DIPK1A: variants seen among roughly 807,000 people sequenced by gnomAD.
DIPK1A encodes the protein divergent protein kinase domain 1A, also known as family with sequence similarity 69 member A.
In DIPK1A, 27 loss-of-function variants were observed where a neutral mutation model predicts 40.8. The ratio of observed to expected loss-of-function variants is 0.66; its 90% CI spans 0.49 to 0.91. The LOEUF is 0.91. DIPK1A is among the 40% of genes least tolerant of loss of function. The pLI is 0.00. For synonymous variants in DIPK1A, 166 were observed against 171.3 expected (o/e 0.97, Z 0.24); for missense variants, 412 against 505.7 (o/e 0.81, Z 1.78).
intron 3 of DIPK1A, among the ~76,000 whole-genome samples, chr1:92,847,876 T>C (rs970346114): frequency 6.6e-6 from 1 of 152,146 alleles, no homozygotes; most frequent in Non-Finnish European, 1.5e-5. Flanking sequence ...GCCAGGACTA[T>C]AGGCATGTAC....
At chr1:92,935,375 T>A (rs1650906925) in intron 1 of DIPK1A, among the ~76,000 whole-genome samples, 1 of 152,254 alleles carries the variant, frequency 6.6e-6, no homozygotes, top group Admixed American at 6.5e-5. Flanking sequence ...TAAAGAACTA[T>A]GTATTTTAAG....
chr1:92,935,190 CCT>C (rs1319976132), intron 1 of DIPK1A, among the ~76,000 whole-genome samples: 2 of 152,186 alleles, frequency 1.3e-5, no homozygotes, highest in Admixed American at 1.3e-4. Flanking sequence ...AATATTTCCA[CCT>C]CTCTATTGAG....
chr1:92,887,169 G>A (rs759841742), intron 1 of DIPK1A, among the ~76,000 whole-genome samples: 17 of 148,540 alleles, frequency 1.1e-4, no homozygotes, highest in Non-Finnish European at 1.9e-4. Context: ...TGTAATTCCA[G>A]CACTTTAGGA....
chr1:92,927,745 T>C lies in DIPK1A; in HGVS notation c.54+33631A>G, dbSNP rs570036123. Among the ~76,000 whole-genome samples, 10 of 152,344 alleles carry C rather than the reference T, an allele frequency of 6.6e-5. No homozygotes were observed. The East Asian group carries it at 1.9e-3, about 29-fold the overall frequency. The stretch of plus-strand genomic sequence containing the variant: ...GTCTTCTGTGACTGGCTTTTTTCAC[T>C]TAACTTTTCAAGATTCATCCATGTT... On this transcript the variant is annotated intron_variant, in intron 1 of 4. Coordinates refer to ENST00000370310, the MANE Select transcript of DIPK1A (RefSeq NM_001006605.5).
At chr1:92,839,350 C>T (rs566995199), downstream of DIPK1A, among the ~76,000 whole-genome samples, 15 of 152,230 alleles carry the variant, frequency 9.9e-5, no homozygotes, top group Non-Finnish European at 1.5e-4. Context: ...CAGAGCGAGA[C>T]TTCATGTCAA....
rs1207050764 is a variant in DIPK1A at position 92,843,128 on chromosome 1, G to A, written c.*255C>T. Reference sequence around the variant, plus strand: ...GCTTTTCACAGCATTGGTTTTTAAAGTCAGTCAAAATAGTTACACAATGAA... The same window carrying A: ...GCTTTTCACAGCATTGGTTTTTAAAATCAGTCAAAATAGTTACACAATGAA... On this transcript the variant is annotated 3_prime_UTR_variant, in exon 5 of 5. Transcript: ENST00000370310. The A allele has an allele frequency of 8.7e-7, 1 of 1,155,688 alleles. No homozygotes were observed. The highest frequency in any genetic ancestry group is 1.6e-5 in the African/African-American group (1 of 62,114). The allele number at this position is 1,155,688 out of a possible 1,614,324, so 71.6% of individuals were successfully genotyped here.
intron 1 of DIPK1A, among the ~76,000 whole-genome samples, chr1:92,914,685 C>T (rs1227834288): frequency 1.3e-5 from 2 of 151,416 alleles, no homozygotes; most frequent in African/African-American, 2.4e-5. Flanking sequence ...AGGAGAAGTG[C>T]TTGAACCTAG....
intron 1 of DIPK1A, among the ~76,000 whole-genome samples, chr1:92,891,771 G>T (rs1241876532): frequency 6.6e-6 from 1 of 152,194 alleles, no homozygotes; most frequent in Admixed American, 6.5e-5. Flanking sequence ...AAGGAAAGGG[G>T]TGACAGATGG....
downstream of DIPK1A, chr1:92,840,591 A>G (rs1687316143): frequency 6.2e-7 from 1 of 1,612,938 alleles, no homozygotes; most frequent in African/African-American, 1.3e-5. Flanking sequence ...GCTATACGAG[A>G]GAATCCAGTC....
intron 1 of DIPK1A, among the ~76,000 whole-genome samples, chr1:92,954,985 C>G (rs892592670): frequency 6.6e-6 from 1 of 151,998 alleles, no homozygotes; most frequent in East Asian, 1.9e-4. Context: ...ACCCAGACAA[C>G]GAAATATTAT....
chr1:92,884,678 G>A (rs543471232), intron 1 of DIPK1A, among the ~76,000 whole-genome samples: 1 of 152,110 alleles, frequency 6.6e-6, no homozygotes, highest in South Asian at 2.1e-4. Context: ...ATCTTTGATG[G>A]GAATCCTAAT....
chr1:92,898,985 C>T lies in DIPK1A; in HGVS notation c.55-22555G>A, dbSNP rs117631020. On this transcript the variant is annotated intron_variant, in intron 1 of 4. Transcript: ENST00000370310. ...GGTCACCCTATGTTGCCCAGGCTAACCTCAAACTCCTGGATTCAAATATCC... is the reference window on the plus strand; with the variant it reads ...GGTCACCCTATGTTGCCCAGGCTAATCTCAAACTCCTGGATTCAAATATCC... Among the ~76,000 whole-genome samples the T allele has an allele frequency of 2.2e-3, 338 of 152,250 alleles. 2 individuals carry two copies. Among genetic ancestry groups the T allele is most frequent in the East Asian group, 0.013 (65 of 5,186 alleles).
chr1:92,836,201 G>A (rs1687118102), intron 4 of DIPK1A: 1 of 1,612,224 alleles, frequency 6.2e-7, no homozygotes, highest in Non-Finnish European at 8.5e-7. Flanking sequence ...TTCTCAATAG[G>A]TTTGGCATGG....
rs767529723 is a variant in DIPK1A at position 92,961,409 on chromosome 1, C to T, written c.21G>A (p.Pro7=). 4 of 1,527,880 alleles carry T rather than the reference C, an allele frequency of 2.6e-6. No homozygotes were observed. Among genetic ancestry groups the T allele is most frequent in the South Asian group, 1.2e-5 (1 of 84,322 alleles). The allele number at this position is 1,527,880 out of a possible 1,614,324, so 94.6% of individuals were successfully genotyped here. A position where few individuals can be genotyped will look rare whatever the true frequency, so the allele number is the denominator to read the frequency against. ...AATAGGGTTTCCTTAGCCAGGCCCC[C>T]GGACAGAGACTCCTCGCCATGGTAA... MARSLC[P]GAWLRKPYYL... is the part of the protein sequence containing the mutation. The change falls in exon 1 of 5, where the codon CCG becomes CCA. Residue 7 remains proline, a synonymous_variant. Transcript: ENST00000370310.
chr1:92,854,720 T>G (rs772196876), intron 2 of DIPK1A, among the ~76,000 whole-genome samples: 4 of 152,248 alleles, frequency 2.6e-5, no homozygotes, highest in Non-Finnish European at 4.4e-5. Flanking sequence ...GTTCTTAAAC[T>G]CAAGTTTGGG....
chr1:92,875,791 A>C (rs907847246), intron 2 of DIPK1A, among the ~76,000 whole-genome samples: 10 of 151,996 alleles, frequency 6.6e-5, no homozygotes, highest in Admixed American at 5.9e-4. Flanking sequence ...AAATTTTTAA[A>C]ATATAAGTCT....
At position 92,869,169 on chromosome 1, in the gene DIPK1A, AT is replaced by A. The variant is rs1333091723; in HGVS notation, c.189+7126del. Among the ~76,000 whole-genome samples, 12 of 150,744 alleles carry A rather than the reference AT, an allele frequency of 8.0e-5. No individual in the cohort carries two copies. The South Asian group carries it at 1.7e-3, about 21-fold the overall frequency. ...ATATTACACTATTATTATTATTATT[AT>A]TATTATTTTGATACAGGGTCTCATT... On this transcript the variant is annotated intron_variant, in intron 2 of 4. Transcript: ENST00000370310.
At chr1:92,905,479 T>C (rs1334118629) in intron 1 of DIPK1A, among the ~76,000 whole-genome samples, 3 of 152,194 alleles carry the variant, frequency 2.0e-5, no homozygotes, top group Non-Finnish European at 4.4e-5. Flanking sequence ...ATCAGATTAT[T>C]AGATTTTTTC....
rs532461591 is a variant in DIPK1A, at chr1:92,917,380, G to A, written c.55-40950C>T. On this transcript the variant is annotated intron_variant, in intron 1 of 4. Coordinates refer to ENST00000370310, the MANE Select transcript of DIPK1A (RefSeq NM_001006605.5). ...TTTCAACACTACTTTGCACTATGTC[G>A]GTAGTGGGGTGTGTACGAGTATGTA... Among the ~76,000 whole-genome samples the A allele has an allele frequency of 2.0e-4, 30 of 152,150 alleles. No individual in the cohort carries two copies. The South Asian group carries it at 4.6e-3, about 23-fold the overall frequency.
Sources: gnomAD v4.1 joint callset for allele counts (sites outside exome capture counted in the v4.1 genomes callset) on GRCh38, gnomAD v4.1.1 for gene constraint, MANE v1.5 for transcripts, NCBI Gene and HGNC (gene_info 2026-07-23, HGNC 2026-07-21) for gene names.